HSF5: variants seen among roughly 807,000 people sequenced by gnomAD.
HSF5 encodes the protein heat shock transcription factor 5.
Under a neutral mutation model 50.8 loss-of-function variants are expected in HSF5, and 5 were observed. That is an observed-to-expected ratio of 0.10 (90% CI 0.05 to 0.21). The LOEUF (loss-of-function observed/expected upper bound fraction) is 0.21, where lower values mean the gene tolerates loss of function less well. HSF5 is among the 10% of genes least tolerant of loss of function. The probability of loss-of-function intolerance (pLI) is 1.00; values close to 1 mark genes in which losing one functional copy is unlikely to be tolerated. For synonymous variants in HSF5, 307 were observed against 307.4 expected, an observed-to-expected ratio of 1.00 and a Z score of 0.02; for missense variants, 564 against 762.6, an observed-to-expected ratio of 0.74 and a Z score of 3.07.
At chr17:58,462,730 G>C in intron 4 of HSF5, 52 bp downstream of exon 4, 1 of 1,473,244 alleles carries the variant, frequency 6.8e-7, no homozygotes, top group African/African-American at 1.4e-5. Flanking sequence ...GTCTTTAGCA[G>C]AAGTACTAGG....
chr17:58,472,010 TGCC>T (rs1974952762), intron 2 of HSF5, among the ~76,000 whole-genome samples: 1 of 152,064 alleles, frequency 6.6e-6, no homozygotes, highest in Non-Finnish European at 1.5e-5. Flanking sequence ...TGCGCCACCA[TGCC>T]TGGCTAATTT....
At chr17:58,476,330 C>G in intron 2 of HSF5, 1 of 1,104,408 alleles carries the variant, frequency 9.1e-7, no homozygotes, top group Non-Finnish European at 1.4e-6. Flanking sequence ...TCTTTGATGA[C>G]CTCTCCTAAC....
intron 5 of HSF5, among the ~76,000 whole-genome samples, chr17:58,437,083 G>T (rs1974437355): frequency 6.6e-6 from 1 of 152,196 alleles, no homozygotes. Flanking sequence ...GGGAGGAAGA[G>T]GTCAAAGAAA....
At chr17:58,441,171 A>C (rs1217009158) in intron 5 of HSF5, among the ~76,000 whole-genome samples, 1 of 152,238 alleles carries the variant, frequency 6.6e-6, no homozygotes, top group Non-Finnish European at 1.5e-5. Context: ...ACCACAACAC[A>C]ATTAAATTAG....
chr17:58,467,517 G>C (rs1023550505), intron 2 of HSF5, among the ~76,000 whole-genome samples: 3 of 152,196 alleles, frequency 2.0e-5, no homozygotes, highest in Admixed American at 6.5e-5. Context: ...CCTGGTTTTG[G>C]AGCCCAGCTC....
At chr17:58,427,512 G>A (rs9902597) in intron 5 of HSF5, among the ~76,000 whole-genome samples, 2,639 of 152,226 alleles carry the variant, frequency 0.017, 72 homozygotes, top group African/African-American at 0.059. Context: ...AGTCTTTAGA[G>A]GAGGATTTCA....
intron 5 of HSF5, among the ~76,000 whole-genome samples, chr17:58,442,221 AGGTG>A (rs1974507820): frequency 6.6e-6 from 1 of 152,238 alleles, no homozygotes; most frequent in Non-Finnish European, 1.5e-5. Flanking sequence ...TGGAATGCTT[AGGTG>A]GGTACATGGT....
chr17:58,424,659 G>A (rs1348157592), intron 5 of HSF5, among the ~76,000 whole-genome samples: 1 of 151,592 alleles, frequency 6.6e-6, no homozygotes. Flanking sequence ...GGTGGCACAT[G>A]CCTGTAGCCC....
At position 58,420,735 on chromosome 17, in the gene HSF5, T is replaced by C. The variant is rs1230584332; in HGVS notation, c.*1625A>G. 1 of 152,178 alleles carries C rather than the reference T, an allele frequency of 6.6e-6. No individual in the cohort carries two copies. The allele number at this position is 152,178 out of a possible 1,614,324, so 9.4% of individuals were successfully genotyped here. ...CTCTTTTAAACCTTGCTAATAAAGA[T>C]AAATAAATGCCCATCACATAGACAT... On this transcript the variant is annotated 3_prime_UTR_variant, in exon 6 of 6. Coordinates refer to ENST00000323777, the MANE Select transcript of HSF5 (RefSeq NM_001080439.3).
chr17:58,468,059 A>C (rs1974892433), intron 2 of HSF5, among the ~76,000 whole-genome samples: 1 of 152,214 alleles, frequency 6.6e-6, no homozygotes, highest in Non-Finnish European at 1.5e-5. Flanking sequence ...CAAAGCTGGA[A>C]GTGACAGAGT....
At chr17:58,435,478 C>T (rs959981874) in intron 5 of HSF5, among the ~76,000 whole-genome samples, 11 of 152,064 alleles carry the variant, frequency 7.2e-5, no homozygotes, top group Non-Finnish European at 1.3e-4. Context: ...ACCCAGGAGG[C>T]GGAGGTTGCA....
At chr17:58,424,955 T>C (rs1346376707) in intron 5 of HSF5, among the ~76,000 whole-genome samples, 4 of 152,142 alleles carry the variant, frequency 2.6e-5, no homozygotes, top group South Asian at 2.1e-4. Flanking sequence ...AAAAATAGAA[T>C]GGTAGGTGCC....
intron 5 of HSF5, among the ~76,000 whole-genome samples, chr17:58,426,839 C>T (rs745991002): frequency 1.3e-5 from 2 of 152,132 alleles, no homozygotes; most frequent in Non-Finnish European, 2.9e-5. Context: ...TCAGCATGTA[C>T]TCAAAAGAGC....
intron 2 of HSF5, 114 bp downstream of exon 2, chr17:58,479,779 A>G: frequency 1.2e-6 from 1 of 866,674 alleles, no homozygotes; most frequent in Non-Finnish European, 1.7e-6. Flanking sequence ...TCTTAGGTGT[A>G]CATTCCTACT....
At chr17:58,480,322 A>G in intron 1 of HSF5, 55 bp from the exon 2 acceptor site, 5 of 1,509,904 alleles carry the variant, frequency 3.3e-6, no homozygotes, top group Non-Finnish European at 4.5e-6. Context: ...CACCAGACAT[A>G]GTAAACCAAA....
chr17:58,426,216 C>T (rs894017501), intron 5 of HSF5, among the ~76,000 whole-genome samples: 13 of 152,190 alleles, frequency 8.5e-5, no homozygotes, highest in African/African-American at 2.2e-4. Flanking sequence ...AACAAACCCA[C>T]TGAATTTTAA....
chr17:58,463,452 A>G (rs1425132214), intron 3 of HSF5, 149 bp from the exon 4 acceptor site: 2 of 650,070 alleles, frequency 3.1e-6, no homozygotes, highest in South Asian at 4.1e-5. Flanking sequence ...TCTACTTTTC[A>G]GCAATAGTAG....
rs1404192896 is a variant in HSF5 at position 58,466,347 on chromosome 17, T to C, written c.1020+538A>G. On this transcript the variant is annotated intron_variant, in intron 3 of 5. Transcript: ENST00000323777. ...TGTATCATCTTGGAAGAATCTGTCA[T>C]TTGGTGACTTACACACTTGTAGCGT... 2.6e-5 allele frequency among the ~76,000 whole-genome samples: 4 copies of C among 152,178 alleles called. No homozygotes were observed. The East Asian group carries it at 7.7e-4, about 29-fold the overall frequency.
At chr17:58,469,697 AGTTT>A (rs1180619670) in intron 2 of HSF5, among the ~76,000 whole-genome samples, 5 of 152,252 alleles carry the variant, frequency 3.3e-5, no homozygotes, top group Non-Finnish European at 7.3e-5. Context: ...TATAAAACTT[AGTTT>A]ATCACTATGT....
Sources: gnomAD v4.1 joint callset for allele counts (sites outside exome capture counted in the v4.1 genomes callset) on GRCh38, gnomAD v4.1.1 for gene constraint, MANE v1.5 for transcripts, NCBI Gene and HGNC (gene_info 2026-07-23, HGNC 2026-07-21) for gene names.